Variants in MTA3 observed in about 807,000 individuals in gnomAD.
MTA3 encodes metastasis-associated protein MTA3.
A neutral mutation model predicts 83.5 loss-of-function variants in MTA3; 34 were observed. The observed-to-expected ratio is 0.41, with a 90% CI of 0.31 to 0.54. The LOEUF is 0.54. Among genes scored for constraint, MTA3 ranks in the 20% least tolerant of loss-of-function variants. The pLI is 0.33. For synonymous variants in MTA3, 303 were observed against 252.7 expected (o/e 1.20, Z -1.89); for missense variants, 761 against 726.4 (o/e 1.05, Z -0.55).
At chr2:42,702,043 T>C (rs1033817909) in intron 11 of MTA3, among the ~76,000 whole-genome samples, 1 of 152,058 alleles carries the variant, frequency 6.6e-6, no homozygotes, top group Admixed American at 6.6e-5. Context: ...AAACTCCGTC[T>C]CTACTAAAAA....
chr2:42,741,086 G>T (rs561615285), intron 16 of MTA3, among the ~76,000 whole-genome samples: 1 of 152,216 alleles, frequency 6.6e-6, no homozygotes, highest in Admixed American at 6.5e-5. Flanking sequence ...CTACATCAGC[G>T]CTTGCTGCTT....
rs542160370 is a variant in MTA3, at chr2:42,616,251, C to T, written c.317+6667C>T. On this transcript the variant is annotated intron_variant, in intron 4 of 16. Transcript: ENST00000405094. ...AATATTTTTGTATTTTTAGTTGAGA[C>T]GGGGTTTCACCATGTTGGCCAGGCT... Among the ~76,000 whole-genome samples the T allele has an allele frequency of 2.6e-5, 4 of 152,014 alleles. No individual in the cohort carries two copies. In the East Asian group the frequency reaches 5.8e-4, roughly 22 times the overall value.
At chr2:42,619,597 C>G (rs138975162) in intron 4 of MTA3, among the ~76,000 whole-genome samples, 1 of 152,032 alleles carries the variant, frequency 6.6e-6, no homozygotes, top group African/African-American at 2.4e-5. Flanking sequence ...CACATTGACC[C>G]AGTGATTCAA....
At chr2:42,652,673 T>G (rs1688823480) in intron 6 of MTA3, among the ~76,000 whole-genome samples, 1 of 152,170 alleles carries the variant, frequency 6.6e-6, no homozygotes, top group Non-Finnish European at 1.5e-5. Flanking sequence ...TCAAATCATC[T>G]GATCTTCTTT....
At chr2:42,691,702 G>T (rs762519986) in intron 9 of MTA3, among the ~76,000 whole-genome samples, 1 of 152,078 alleles carries the variant, frequency 6.6e-6, no homozygotes. Context: ...TATTGGACAG[G>T]TCTAGTGTTG....
At chr2:42,740,765 A>G (rs1437725877) in intron 16 of MTA3, among the ~76,000 whole-genome samples, 1 of 152,272 alleles carries the variant, frequency 6.6e-6, no homozygotes, top group Non-Finnish European at 1.5e-5. Flanking sequence ...GCTATCATTT[A>G]GGCTTTGTTG....
At chr2:42,597,540 C>T (rs1461921067) in intron 3 of MTA3, among the ~76,000 whole-genome samples, 1 of 151,190 alleles carries the variant, frequency 6.6e-6, no homozygotes, top group African/African-American at 2.4e-5. Flanking sequence ...CGTGCACTAC[C>T]ACGCCCAGCT....
intron 8 of MTA3, 134 bp downstream of exon 8, chr2:42,659,996 G>A (rs754390100): frequency 1.5e-5 from 7 of 474,016 alleles, no homozygotes; most frequent in Admixed American, 4.3e-5. Flanking sequence ...GATTTGGCTT[G>A]GTTACTTGGT....
Position 42,609,492 on chromosome 2 carries a change from G to A in MTA3, c.225G>A (p.Glu75=). 2 of 1,613,830 alleles carry A rather than the reference G, an allele frequency of 1.2e-6. No individual in the cohort carries two copies. Among genetic ancestry groups the A allele is most frequent in the Non-Finnish European group, 1.7e-6 (2 of 1,179,820 alleles). Reference sequence around the variant, plus strand: ...AGGAAGAATCTGAAACAACAGTTGAGGCTGACTTGACCGATAAGCAGAAAC... The same window carrying A: ...AGGAAGAATCTGAAACAACAGTTGAAGCTGACTTGACCGATAAGCAGAAAC... ...EIEEESETTV[E]ADLTDKQKHQ... is the part of the protein sequence containing the mutation. Residue 75 remains glutamate, a synonymous_variant, in exon 4 of 17, where the codon GAG becomes GAA. Transcript: ENST00000405094.
chr2:42,701,888 C>T (rs945063753), intron 11 of MTA3, among the ~76,000 whole-genome samples: 4 of 150,880 alleles, frequency 2.7e-5, no homozygotes, highest in African/African-American at 9.8e-5. Context: ...GCACTCCAGC[C>T]TGGGCGAAAG....
chr2:42,574,406 G>A lies in MTA3; in HGVS notation c.96+3902G>A, dbSNP rs577637063. Among the ~76,000 whole-genome samples, 8 of 151,754 alleles carry A rather than the reference G, an allele frequency of 5.3e-5. No individual in the cohort carries two copies. The South Asian group carries it at 1.5e-3, about 28-fold the overall frequency. ...CTCCCAAAGTGCTGGGATTACAGGCGTGAGCCACCATGCCCGGCCTCCTTT... is the reference window on the plus strand; with the variant it reads ...CTCCCAAAGTGCTGGGATTACAGGCATGAGCCACCATGCCCGGCCTCCTTT... On this transcript the variant is annotated intron_variant, in intron 2 of 16. Coordinates refer to ENST00000405094, the MANE Select transcript of MTA3 (RefSeq NM_001330442.2).
chr2:42,703,610 GC>G (rs1270967059), intron 11 of MTA3: 3 of 152,338 alleles, frequency 2.0e-5, no homozygotes, highest in Non-Finnish European at 4.4e-5. Context: ...TGTCAGAGGG[GC>G]CGGGCACGGT....
intron 6 of MTA3, among the ~76,000 whole-genome samples, chr2:42,650,460 G>A (rs1453411452): frequency 1.3e-5 from 2 of 151,614 alleles, no homozygotes; most frequent in Non-Finnish European, 1.5e-5. Flanking sequence ...TTTTTTTTGA[G>A]ACGGAGTCTT....
exon 2 of MTA3, chr2:42,495,229 T>C (rs3796076): frequency 0.22 from 33,168 of 152,298 alleles, 3,675 homozygotes; most frequent in South Asian, 0.29. Context: ...AGTGGATTCC[T>C]AGTGAAAAGG....
At chr2:42,697,962 A>G (rs1693536375) in intron 11 of MTA3, 128 bp downstream of exon 11, 1 of 612,878 alleles carries the variant, frequency 1.6e-6, no homozygotes, top group African/African-American at 1.9e-5. Flanking sequence ...AAAGCATGAG[A>G]CTTACTATTA....
intron 8 of MTA3, among the ~76,000 whole-genome samples, chr2:42,680,834 C>G (rs976275252): frequency 6.6e-6 from 1 of 152,126 alleles, no homozygotes; most frequent in African/African-American, 2.4e-5. Flanking sequence ...TCACTGCAGC[C>G]TCGACCTCCC....
intron 8 of MTA3, among the ~76,000 whole-genome samples, chr2:42,663,062 G>T (rs145087139): frequency 6.6e-6 from 1 of 152,270 alleles, no homozygotes; most frequent in Non-Finnish European, 1.5e-5. Context: ...ATCACTGCAA[G>T]AACTTAGTTT....
chr2:42,629,549 T>C (rs1686468415), intron 4 of MTA3, among the ~76,000 whole-genome samples: 1 of 152,160 alleles, frequency 6.6e-6, no homozygotes, highest in African/African-American at 2.4e-5. Context: ...GGAGGTTTAA[T>C]TGTAAGGTCC....
Position 42,690,680 on chromosome 2 carries a change from A to AT in MTA3, c.892-5069dup, listed in dbSNP as rs11358037. Among the ~76,000 whole-genome samples, 94 of 118,038 alleles carry AT rather than the reference A, an allele frequency of 8.0e-4. 2 individuals carry two copies. In the South Asian group the frequency reaches 0.01, roughly 13 times the overall value. The allele number at this position is 118,038 out of a possible 152,430, so 77.4% of individuals were successfully genotyped here. A position where few individuals can be genotyped will look rare whatever the true frequency, so the allele number is the denominator to read the frequency against. On this transcript the variant is annotated intron_variant, in intron 9 of 16. Coordinates refer to ENST00000405094, the MANE Select transcript of MTA3 (RefSeq NM_001330442.2). ...GGGGTACATGAAATTTTTTAATTTA[A>AT]TTTTTTTTTTTTTTTTGGAGACAGA... is the stretch of plus-strand genomic sequence containing the variant.
Sources: gnomAD v4.1 joint callset for allele counts (sites outside exome capture counted in the v4.1 genomes callset) on GRCh38, gnomAD v4.1.1 for gene constraint, MANE v1.5 for transcripts, NCBI Gene and HGNC (gene_info 2026-07-23, HGNC 2026-07-21) for gene names.